NUP210L: variants seen among roughly 807,000 people sequenced by gnomAD.
NUP210L encodes the protein nucleoporin 210 like.
In NUP210L, 74 loss-of-function variants were observed where a neutral mutation model predicts 208.5. That is an observed-to-expected ratio of 0.35 (90% CI 0.29 to 0.43). The LOEUF (loss-of-function observed/expected upper bound fraction) is 0.43. NUP210L is among the 20% of genes least tolerant of loss of function. The pLI is 1.00. For missense variants in NUP210L, 1,843 were observed against 2,289.4 expected (o/e 0.81, Z 3.98); for synonymous variants, 780 against 816.9 (o/e 0.95, Z 0.77).
rs546649049 is a variant in NUP210L at position 154,151,995 on chromosome 1, CAGG to C, written c.340+738_340+740del. Among the ~76,000 whole-genome samples the C allele has an allele frequency of 1.6e-3, 236 of 146,806 alleles. 1 individual carries two copies. The highest frequency in any genetic ancestry group is 5.7e-3 in the African/African-American group (229 of 39,978). Reference sequence around the variant, plus strand: ...ATCCCAGCTACTCAAGAGGCTGAGCCAGGAGAATCGCTTGAACCTGGGAGACAG... The same window carrying C: ...ATCCCAGCTACTCAAGAGGCTGAGCCAGAATCGCTTGAACCTGGGAGACAG... On this transcript the variant is annotated intron_variant, in intron 2 of 39. Coordinates refer to ENST00000368559, the Ensembl canonical transcript of NUP210L.
At chr1:154,016,961 A>G (rs1293010256) in intron 33 of NUP210L, among the ~76,000 whole-genome samples, 1 of 151,604 alleles carries the variant, frequency 6.6e-6, no homozygotes, top group Non-Finnish European at 1.5e-5. Flanking sequence ...GCGATACTCC[A>G]TCTCAAAAAA....
rs529749917 is a variant in NUP210L at position 154,056,724 on chromosome 1, A to G, written c.3240+91T>C. The G allele has an allele frequency of 7.4e-6, 10 of 1,343,894 alleles. No individual in the cohort carries two copies. The African/African-American group carries it at 1.3e-4, about 18-fold the overall frequency. The allele number at this position is 1,343,894 out of a possible 1,614,324, so 83.2% of individuals were successfully genotyped here. A position where few individuals can be genotyped will look rare whatever the true frequency, so the allele number is the denominator to read the frequency against. On this transcript the variant is annotated intron_variant, in intron 23 of 39. Coordinates refer to ENST00000368559, the Ensembl canonical transcript of NUP210L. Reference sequence around the variant, plus strand: ...TGTGAGCCACTGTGCCCAGCCAGTCAAATGATTTTTAACTTGTATAAACTA... The same window carrying G: ...TGTGAGCCACTGTGCCCAGCCAGTCGAATGATTTTTAACTTGTATAAACTA...
chr1:154,058,527 T>C, intron 21 of NUP210L, 38 bp downstream of exon 21: 1 of 1,603,938 alleles, frequency 6.2e-7, no homozygotes, highest in Non-Finnish European at 8.5e-7. Flanking sequence ...TGAGAATAAG[T>C]CTTGCTTAAT....
chr1:154,118,897 G>T, intron 10 of NUP210L, 89 bp from the exon 11 acceptor site: 1 of 664,822 alleles, frequency 1.5e-6, no homozygotes, highest in African/African-American at 1.8e-5. Context: ...CAGCAAAATG[G>T]TATGCTCATA....
intron 17 of NUP210L, among the ~76,000 whole-genome samples, chr1:154,062,849 G>A (rs1654214209): frequency 6.6e-6 from 1 of 151,532 alleles, no homozygotes; most frequent in Admixed American, 6.6e-5. Flanking sequence ...TAAAGTGCTG[G>A]GATTACAGGT....
intron 34 of NUP210L, among the ~76,000 whole-genome samples, chr1:154,010,552 G>A (rs1268534953): frequency 6.6e-6 from 1 of 151,922 alleles, no homozygotes; most frequent in African/African-American, 2.4e-5. Context: ...GTGGGAGTAA[G>A]ATAGATTACA....
At chr1:154,056,359 A>G (rs959419754) in intron 23 of NUP210L, among the ~76,000 whole-genome samples, 5 of 152,136 alleles carry the variant, frequency 3.3e-5, no homozygotes, top group African/African-American at 7.2e-5. Flanking sequence ...ACAGAGAGAC[A>G]AAACCCAAAA....
At chr1:154,154,644 T>C (rs371587966) in intron 1 of NUP210L, among the ~76,000 whole-genome samples, 198 bp downstream of exon 1, 53 of 152,168 alleles carry the variant, frequency 3.5e-4, no homozygotes, top group African/African-American at 1.2e-3. Flanking sequence ...CTGGAGGATA[T>C]ACCACATGAG....
intron 10 of NUP210L, among the ~76,000 whole-genome samples, chr1:154,123,643 C>T (rs535344673): frequency 1.3e-5 from 2 of 151,998 alleles, no homozygotes; most frequent in African/African-American, 4.8e-5. Context: ...TTTGGGAGGC[C>T]AAGGCGGGTG....
At chr1:154,058,425 T>C (rs181430433) in intron 21 of NUP210L, 140 bp downstream of exon 21, 6 of 1,124,750 alleles carry the variant, frequency 5.3e-6, no homozygotes, top group Admixed American at 4.9e-5. Flanking sequence ...AATGTTGTTC[T>C]TTAAGGGCAG....
Position 154,054,209 on chromosome 1 carries a change from C to A in NUP210L, c.3483+19G>T, listed in dbSNP as rs769811933. The stretch of plus-strand genomic sequence containing the variant: ...CCTCAATAGAAGAATAGAAGCAGAG[C>A]AGAGCAAATAACCAATACCTGAGAA... On this transcript the variant is annotated intron_variant, in intron 25 of 39. Coordinates refer to ENST00000368559, the Ensembl canonical transcript of NUP210L. The A allele has an allele frequency of 9.3e-6, 15 of 1,612,928 alleles. No individual in the cohort carries two copies. The highest frequency in any genetic ancestry group is 5.3e-5 in the African/African-American group (4 of 74,898).
At chr1:154,083,270 T>C (rs1361646877) in intron 16 of NUP210L, among the ~76,000 whole-genome samples, 1 of 152,186 alleles carries the variant, frequency 6.6e-6, no homozygotes, top group Non-Finnish European at 1.5e-5. Context: ...TGCTGACTGG[T>C]GCATTTACAA....
Position 154,056,974 on chromosome 1 carries a change from G to A in NUP210L, c.3108-27C>T, listed in dbSNP as rs11264964. The A allele has an allele frequency of 3.8e-6, 6 of 1,599,302 alleles. No individual in the cohort carries two copies. In the African/African-American group the frequency reaches 5.4e-5, roughly 14 times the overall value. Reference sequence around the variant, plus strand: ...TGCAAAAACCCATGTATTTTCAGGTGAGAAAGATTTTTGTTTTGTTTCAAG... The same window carrying A: ...TGCAAAAACCCATGTATTTTCAGGTAAGAAAGATTTTTGTTTTGTTTCAAG... On this transcript the variant is annotated intron_variant, in intron 22 of 39. Coordinates refer to ENST00000368559, the Ensembl canonical transcript of NUP210L.
chr1:154,100,228 T>C lies in NUP210L; in HGVS notation c.1820-85A>G, dbSNP rs185796267. On this transcript the variant is annotated intron_variant, in intron 13 of 39. Transcript: ENST00000368559. ...ACTTTGGGAGGCCAAGGCAGGAAGA[T>C]TGCTTGAGCTCCGAAGTTTAAGACC... 55 of 1,250,394 alleles carry C rather than the reference T, an allele frequency of 4.4e-5. No homozygotes were observed. In the African/African-American group the frequency reaches 5.6e-4, roughly 13 times the overall value. 77.5% of individuals were successfully genotyped at this position (1,250,394 alleles called of 1,614,324 possible).
intron 12 of NUP210L, among the ~76,000 whole-genome samples, chr1:154,109,427 C>T (rs530195986): frequency 6.6e-6 from 1 of 151,608 alleles, no homozygotes; most frequent in South Asian, 2.1e-4. Context: ...AGCTATAGAC[C>T]TCACTACATT....
At chr1:154,118,700 T>C (rs1277029096) in exon 11 of NUP210L, 8 of 1,605,124 alleles carry the variant, frequency 5.0e-6, no homozygotes, top group African/African-American at 1.3e-5. Context: ...AACATTCCCA[T>C]AGGATGATGA....
exon 38 of NUP210L, chr1:153,995,076 C>T (rs1228692031): frequency 5.6e-6 from 9 of 1,599,732 alleles, no homozygotes; most frequent in Non-Finnish European, 7.7e-6. Flanking sequence ...AGGACTCTAC[C>T]TAGGAAGATG....
intron 27 of NUP210L, among the ~76,000 whole-genome samples, chr1:154,039,422 C>CG (rs767461219): frequency 7.4e-4 from 113 of 151,808 alleles, no homozygotes; most frequent in Middle Eastern, 6.8e-3. Flanking sequence ...TTAGTAGAGA[C>CG]GGGGGGTTTC....
chr1:154,128,371 A>G (rs1281185557), intron 8 of NUP210L, among the ~76,000 whole-genome samples: 1 of 151,856 alleles, frequency 6.6e-6, no homozygotes, highest in African/African-American at 2.4e-5. Context: ...CTATAGTTCC[A>G]TTACTCAGGA....
Sources: gnomAD v4.1 joint callset for allele counts (sites outside exome capture counted in the v4.1 genomes callset) on GRCh38, gnomAD v4.1.1 for gene constraint, MANE v1.5 for transcripts, NCBI Gene and HGNC (gene_info 2026-07-23, HGNC 2026-07-21) for gene names.